DMD: variants seen among roughly 807,000 people sequenced by gnomAD.
The protein encoded by DMD is dystrophin.
DMD carries 63 observed loss-of-function variants against 330.1 expected under a neutral mutation model. That is an observed-to-expected ratio of 0.19 (90% CI 0.16 to 0.24). The LOEUF is 0.24. DMD is among the 10% of genes least tolerant of loss of function. The pLI is 1.00. For missense variants in DMD, 3,344 were observed against 2,684.1 expected, an observed-to-expected ratio of 1.25 and a Z score of -5.43; for synonymous variants, 1,223 against 959.8, an observed-to-expected ratio of 1.27 and a Z score of -5.07.
intron 63 of DMD, among the ~76,000 whole-genome samples, chrX:31,232,542 A>C (rs1222565492): frequency 3.6e-5 from 4 of 111,466 alleles, no homozygotes; most frequent in African/African-American, 1.3e-4. Flanking sequence ...AGGGAGTGGG[A>C]GGAACTAACA....
intron 50 of DMD, among the ~76,000 whole-genome samples, chrX:31,811,350 T>TA (rs755821503): frequency 1.3e-3 from 149 of 112,222 alleles, no homozygotes; most frequent in African/African-American, 4.8e-3. Flanking sequence ...ACTGCCTTCA[T>TA]GGAAAGACTT....
intron 41 of DMD, among the ~76,000 whole-genome samples, chrX:32,317,786 G>A (rs1316486534): frequency 1.8e-5 from 2 of 108,179 alleles, no homozygotes; most frequent in East Asian, 5.7e-4. Flanking sequence ...CATCAAAAGT[G>A]TAACAAAAAT....
At chrX:31,886,820 A>C (rs2094161534) in intron 47 of DMD, among the ~76,000 whole-genome samples, 1 of 111,977 alleles carries the variant, frequency 8.9e-6, no homozygotes. Flanking sequence ...TTTACTTTTA[A>C]AATTTCAAAA....
chrX:31,666,075 G>C (rs2081406573), intron 53 of DMD, among the ~76,000 whole-genome samples: 1 of 111,910 alleles, frequency 8.9e-6, no homozygotes, highest in Non-Finnish European at 1.9e-5. Context: ...TCAGTTGAGA[G>C]GGTGTAGAAA....
At chrX:32,842,180 T>C (rs1207427789) in intron 4 of DMD, among the ~76,000 whole-genome samples, 1 of 112,200 alleles carries the variant, frequency 8.9e-6, no homozygotes, top group African/African-American at 3.2e-5. Context: ...GCTGTTTCAC[T>C]GAGTCAGTGC....
intron 11 of DMD, among the ~76,000 whole-genome samples, chrX:32,637,839 C>A (rs989402728): frequency 9.8e-5 from 11 of 111,850 alleles, no homozygotes; most frequent in Non-Finnish European, 2.1e-4. Context: ...CACCAGGTCC[C>A]TCCCACAACA....
chrX:32,414,412 A>G (rs753394657), intron 29 of DMD, among the ~76,000 whole-genome samples: 10 of 112,182 alleles, frequency 8.9e-5, no homozygotes, highest in Non-Finnish European at 1.3e-4. Flanking sequence ...GGATGGCTAA[A>G]TTAAGCTATT....
At chrX:32,993,856 T>C (rs1397124346) in intron 2 of DMD, among the ~76,000 whole-genome samples, 2 of 110,414 alleles carry the variant, frequency 1.8e-5, no homozygotes, top group Non-Finnish European at 3.8e-5. Flanking sequence ...AAAAGAAAGG[T>C]TAACAAGAGA....
chrX:32,624,503 G>C (rs2058215784), intron 11 of DMD, among the ~76,000 whole-genome samples: 1 of 111,773 alleles, frequency 8.9e-6, no homozygotes, highest in South Asian at 3.7e-4. Flanking sequence ...TTGATATATT[G>C]TTAGATAACA....
chrX:33,298,678 A>G (rs2053618597), intron 1 of DMD, among the ~76,000 whole-genome samples: 1 of 111,935 alleles, frequency 8.9e-6, no homozygotes, highest in African/African-American at 3.2e-5. Context: ...GGGGATGGCT[A>G]CATACTGTAA....
intron 1 of DMD, among the ~76,000 whole-genome samples, chrX:33,308,946 TC>T (rs1569559776): frequency 9.0e-6 from 1 of 111,276 alleles, no homozygotes; most frequent in Non-Finnish European, 1.9e-5. Flanking sequence ...GACCACACAG[TC>T]AGTAAACATT....
intron 1 of DMD, among the ~76,000 whole-genome samples, chrX:33,089,203 C>T (rs1051453634): frequency 5.5e-5 from 6 of 108,444 alleles, no homozygotes; most frequent in Non-Finnish European, 9.6e-5. Context: ...GTAGCTGGGA[C>T]TACAGGCACG....
At chrX:31,643,186 T>C (rs1029202210) in intron 54 of DMD, among the ~76,000 whole-genome samples, 1 of 112,009 alleles carries the variant, frequency 8.9e-6, no homozygotes, top group Non-Finnish European at 1.9e-5. Context: ...AACTATATTT[T>C]ATAGTTTGAT....
chrX:32,412,175 G>T (rs748155654), intron 29 of DMD: 1 of 1,104,960 alleles, frequency 9.1e-7, no homozygotes, highest in East Asian at 4.1e-5. Flanking sequence ...AAGGAAATAG[G>T]CTGGAAAAAA....
At position 33,270,233 on chromosome X, in the gene DMD, A is replaced by C. The variant is rs141964865; in HGVS notation, c.7+69026T>G. Among the ~76,000 whole-genome samples, 136 of 111,602 alleles carry C rather than the reference A, an allele frequency of 1.2e-3. 2 individuals carry two copies. In the East Asian group the frequency reaches 0.027, roughly 22 times the overall value. On this transcript the variant is annotated intron_variant, in intron 1 of 17. Transcript: ENST00000288447. Reference sequence around the variant, plus strand: ...GGGTTGAAAACATCAAGAAACAATAAATAGTCAGATTTTTAAAACATTTTC... The same window carrying C: ...GGGTTGAAAACATCAAGAAACAATACATAGTCAGATTTTTAAAACATTTTC...
chrX:31,454,583 A>C (rs1045439744), intron 59 of DMD, among the ~76,000 whole-genome samples: 1 of 111,626 alleles, frequency 9.0e-6, no homozygotes, highest in African/African-American at 3.3e-5. Flanking sequence ...CTCACACAAT[A>C]GTGTGCATCT....
chrX:32,721,547 GTTAT>G (rs1242595716), intron 7 of DMD, among the ~76,000 whole-genome samples: 5 of 110,235 alleles, frequency 4.5e-5, no homozygotes, highest in Non-Finnish European at 9.5e-5. Flanking sequence ...TTTTAATTGG[GTTAT>G]TTAGTTTGTC....
intron 21 of DMD, among the ~76,000 whole-genome samples, chrX:32,473,245 G>T (rs1243051779): frequency 1.8e-5 from 2 of 110,615 alleles, no homozygotes; most frequent in Non-Finnish European, 3.8e-5. Context: ...TAAGTGCATG[G>T]GTTTAACAGC....
rs199560875 is a variant in DMD at position 32,342,270 on chromosome X, C to T, written c.5752G>A (p.Glu1918Lys). The change falls in exon 41 of 79, where the codon GAA becomes AAA. Residue 1918 changes from glutamate to lysine, a missense_variant. Physicochemically the swap from Glu to Lys is moderately conservative, Grantham distance 56. Transcript: ENST00000357033. ...AGCTCCTCTTTCTTCTTCTGCAATT[C>T]CCGATCAATTTCCTATTGAGCAAAA... ...DERKIKEIDRELQKKKEELNA... is the reference protein window; with the variant it reads ...DERKIKEIDRKLQKKKEELNA... 1.7e-6 allele frequency: 2 copies of T among 1,211,304 alleles called. No individual in the cohort carries two copies. Among genetic ancestry groups the T allele is most frequent in the Non-Finnish European group, 1.1e-6 (1 of 895,441 alleles).
Sources: gnomAD v4.1 joint callset for allele counts (sites outside exome capture counted in the v4.1 genomes callset) on GRCh38, gnomAD v4.1.1 for gene constraint, MANE v1.5 for transcripts, NCBI Gene and HGNC (gene_info 2026-07-23, HGNC 2026-07-21) for gene names.